The following APBA2 variants were observed in gnomAD, a reference collection of about 807,000 sequenced individuals.
APBA2 encodes the protein amyloid beta precursor protein binding family A member 2, also known as amyloid-beta A4 precursor protein-binding family A member 2.
A neutral mutation model predicts 75.0 loss-of-function variants in APBA2; 30 were observed. That is an observed-to-expected ratio of 0.40 (90% CI 0.30 to 0.54). APBA2 has a LOEUF of 0.54. Ranked by LOEUF, APBA2 falls within the 20% of genes least tolerant of loss-of-function variation. The pLI is 0.49. For missense variants in APBA2, 801 were observed against 1,016.1 expected (o/e 0.79, Z 2.88); for synonymous variants, 444 against 409.6 (o/e 1.08, Z -1.01).
At chr15:28,957,525 G>A (rs2036239250) in intron 2 of APBA2, among the ~76,000 whole-genome samples, 1 of 152,168 alleles carries the variant, frequency 6.6e-6, no homozygotes, top group South Asian at 2.1e-4. Context: ...CCGTGTACAA[G>A]GGTTCCAGTT....
At chr15:29,039,337 C>G (rs2040918011) in intron 3 of APBA2, among the ~76,000 whole-genome samples, 1 of 152,016 alleles carries the variant, frequency 6.6e-6, no homozygotes, top group Non-Finnish European at 1.5e-5. Context: ...TCAGGCCAGC[C>G]CTTAACAGCG....
At chr15:29,101,195 G>A (rs561803494) in intron 9 of APBA2, among the ~76,000 whole-genome samples, 6 of 149,794 alleles carry the variant, frequency 4.0e-5, no homozygotes, top group Non-Finnish European at 7.4e-5. Flanking sequence ...TCAGGGTTGC[G>A]AAACCCGAAT....
chr15:29,080,791 T>G (rs1638363607), intron 6 of APBA2, among the ~76,000 whole-genome samples: 2 of 152,216 alleles, frequency 1.3e-5, no homozygotes, highest in African/African-American at 4.8e-5. Flanking sequence ...AAAAGGCTGA[T>G]GTTAGTCCCA....
rs74925088 is a variant in APBA2, at chr15:28,979,849, A to C, written c.-94-15904A>C. Among the ~76,000 whole-genome samples, 1,246 of 152,174 alleles carry C rather than the reference A, an allele frequency of 8.2e-3. 17 individuals are homozygous for C. The highest frequency in any genetic ancestry group is 0.029 in the African/African-American group (1,203 of 41,504). ...AGACAGACAGTGGAGTTAAGAGATG[A>C]TTTTTCTGATCCTTCTTTGGGTCTT... is the stretch of plus-strand genomic sequence containing the variant. On this transcript the variant is annotated intron_variant, in intron 2 of 14. Coordinates refer to ENST00000683413, the MANE Select transcript of APBA2 (RefSeq NM_001353788.2).
At chr15:28,896,775 A>G (rs2032519071) in intron 1 of APBA2, among the ~76,000 whole-genome samples, 1 of 152,168 alleles carries the variant, frequency 6.6e-6, no homozygotes, top group South Asian at 2.1e-4. Flanking sequence ...ATATTTGTAG[A>G]AATCCAAATA....
intron 1 of APBA2, chr15:28,895,610 G>T (rs2032430973): frequency 6.6e-6 from 1 of 152,308 alleles, no homozygotes; most frequent in African/African-American, 2.4e-5. Context: ...TGTTTCGTGG[G>T]TAAGTTGCTG....
chr15:28,965,786 T>C (rs1228938253), intron 2 of APBA2, among the ~76,000 whole-genome samples: 1 of 152,226 alleles, frequency 6.6e-6, no homozygotes, highest in Admixed American at 6.5e-5. Context: ...TATTAGTGTA[T>C]AGACATGCAA....
At chr15:28,962,778 A>G (rs1314884606) in intron 2 of APBA2, among the ~76,000 whole-genome samples, 4 of 152,016 alleles carry the variant, frequency 2.6e-5, no homozygotes, top group Non-Finnish European at 4.4e-5. Context: ...AGCTTTAAGT[A>G]TGTGTTAATT....
intron 10 of APBA2, among the ~76,000 whole-genome samples, chr15:29,104,709 A>G (rs1037018856): frequency 6.6e-6 from 1 of 152,190 alleles, no homozygotes; most frequent in Non-Finnish European, 1.5e-5. Flanking sequence ...CGATAAATAC[A>G]TGCGGGGTAG....
chr15:29,108,327 A>G lies in APBA2; in HGVS notation c.1975A>G (p.Thr659Ala). The G allele has an allele frequency of 6.2e-7, 1 of 1,614,060 alleles. No homozygotes were observed. Among genetic ancestry groups the G allele is most frequent in the Middle Eastern group, 1.6e-4 (1 of 6,062 alleles). ...LNIVSCPPVT[T>A]VLIKRPDLKY... Reference sequence around the variant, plus strand: ...CATTGTCAGCTGTCCCCCGGTCACCACGGTCCTTATCAAGCGGCCAGACCT... The same window carrying G: ...CATTGTCAGCTGTCCCCCGGTCACCGCGGTCCTTATCAAGCGGCCAGACCT... The change falls in exon 13 of 15, where the codon ACG becomes GCG. Residue 659 changes from threonine to alanine, a missense_variant. Transcript: ENST00000683413.
At position 29,039,357 on chromosome 15, in the gene APBA2, C is replaced by T. The variant is rs186694849; in HGVS notation, c.-40-14488C>T. On this transcript the variant is annotated intron_variant, in intron 3 of 14. Coordinates refer to ENST00000683413, the MANE Select transcript of APBA2 (RefSeq NM_001353788.2). ...CCAGCCCTTAACAGCGTAACTCTCT[C>T]ATTCCTTCCTCAGTTCCTCCTTATC... 3.9e-4 allele frequency among the ~76,000 whole-genome samples: 59 copies of T among 152,256 alleles called. No individual in the cohort carries two copies. In the East Asian group the frequency reaches 9.8e-3, roughly 25 times the overall value.
At chr15:28,940,652 G>A (rs2035167120) in intron 2 of APBA2, among the ~76,000 whole-genome samples, 1 of 152,154 alleles carries the variant, frequency 6.6e-6, no homozygotes, top group Non-Finnish European at 1.5e-5. Flanking sequence ...TCCCTGGAGA[G>A]GCCTGGAATC....
chr15:28,924,274 T>C (rs1237883859), intron 2 of APBA2, among the ~76,000 whole-genome samples: 1 of 152,118 alleles, frequency 6.6e-6, no homozygotes, highest in Admixed American at 6.5e-5. Flanking sequence ...GTAAAATTCA[T>C]ATAACATTAG....
intron 13 of APBA2, 53 bp from the exon 14 acceptor site, chr15:29,113,823 C>T (rs372035594): frequency 1.1e-5 from 17 of 1,594,302 alleles, no homozygotes; most frequent in African/African-American, 9.4e-5. Flanking sequence ...CGTGGTGGAG[C>T]GCCTGTCGGG....
intron 2 of APBA2, among the ~76,000 whole-genome samples, chr15:28,940,114 T>G (rs964069630): frequency 1.3e-5 from 2 of 152,060 alleles, no homozygotes; most frequent in African/African-American, 4.8e-5. Context: ...TAACGTGAGA[T>G]GAAGCAAATG....
chr15:28,948,379 T>C (rs2035662664), intron 2 of APBA2, among the ~76,000 whole-genome samples: 1 of 130,218 alleles, frequency 7.7e-6, no homozygotes, highest in Admixed American at 7.1e-5. Context: ...TGATTATTTT[T>C]GGAAAAAAAA....
chr15:29,105,359 C>G lies in APBA2; in HGVS notation c.1525-20C>G. Reference sequence around the variant, plus strand: ...GCCTGTGCCACGTGCCTGTCTCCAGCTGGCCTGCCCTCTGCACAGGCCCAG... The same window carrying G: ...GCCTGTGCCACGTGCCTGTCTCCAGGTGGCCTGCCCTCTGCACAGGCCCAG... On this transcript the variant is annotated intron_variant, in intron 10 of 14. Coordinates refer to ENST00000683413, the MANE Select transcript of APBA2 (RefSeq NM_001353788.2). The G allele has an allele frequency of 1.2e-6, 2 of 1,606,762 alleles. No individual in the cohort carries two copies. Among genetic ancestry groups the G allele is most frequent in the Non-Finnish European group, 1.7e-6 (2 of 1,179,124 alleles).
intron 3 of APBA2, among the ~76,000 whole-genome samples, chr15:28,998,448 T>C (rs1182267747): frequency 6.6e-6 from 1 of 152,090 alleles, no homozygotes; most frequent in African/African-American, 2.4e-5. Context: ...TACCCCCGTA[T>C]GGATGCATAT....
At chr15:28,954,092 C>G (rs894770029) in intron 2 of APBA2, among the ~76,000 whole-genome samples, 4 of 152,062 alleles carry the variant, frequency 2.6e-5, no homozygotes, top group African/African-American at 9.7e-5. Context: ...AGACTTGGAG[C>G]CAACCTTGAC....
Sources: gnomAD v4.1 joint callset for allele counts (sites outside exome capture counted in the v4.1 genomes callset) on GRCh38, gnomAD v4.1.1 for gene constraint, MANE v1.5 for transcripts, NCBI Gene and HGNC (gene_info 2026-07-23, HGNC 2026-07-21) for gene names.